The following TAF15 variants were observed in gnomAD, a reference collection of about 807,000 sequenced individuals.
The protein encoded by TAF15 is TATA-binding protein-associated factor 2N.
In TAF15, 37 loss-of-function variants were observed where a neutral mutation model predicts 102.5. The observed-to-expected ratio is 0.36, with a 90% CI of 0.28 to 0.47. The LOEUF is 0.47. Among genes scored for constraint, TAF15 ranks in the 20% least tolerant of loss-of-function variants. TAF15 has a pLI of 0.99. For synonymous variants in TAF15, 273 were observed against 259.2 expected (o/e 1.05, Z -0.51); for missense variants, 652 against 760.7 (o/e 0.86, Z 1.68).
intron 2 of TAF15, among the ~76,000 whole-genome samples, chr17:35,819,616 A>G (rs1482388236): frequency 6.6e-6 from 1 of 152,178 alleles, no homozygotes; most frequent in Non-Finnish European, 1.5e-5. Context: ...TTAATCTGTC[A>G]AGATGTGATT....
At chr17:35,821,414 T>C (rs951316336) in intron 5 of TAF15, among the ~76,000 whole-genome samples, 4 of 152,204 alleles carry the variant, frequency 2.6e-5, no homozygotes, top group African/African-American at 9.6e-5. Flanking sequence ...CCTATAAATA[T>C]AGTCTGAAAA....
chr17:35,820,780 A>G (rs1392303405), intron 5 of TAF15, among the ~76,000 whole-genome samples: 1 of 152,132 alleles, frequency 6.6e-6, no homozygotes, highest in Non-Finnish European at 1.5e-5. Context: ...TTATTTTTGA[A>G]CCATTTGAAT....
rs998906838 is a variant in TAF15 at position 35,822,232 on chromosome 17, T to C, written c.291-408T>C. Among the ~76,000 whole-genome samples the C allele has an allele frequency of 7.3e-5, 11 of 151,596 alleles. No individual in the cohort carries two copies. In the East Asian group the frequency reaches 2.1e-3, roughly 29 times the overall value. ...GGCACATGCCTGTAATCTGAGCTACTCGGGAGGCTGAGGCAGGAGAATTGC... is the reference window on the plus strand; with the variant it reads ...GGCACATGCCTGTAATCTGAGCTACCCGGGAGGCTGAGGCAGGAGAATTGC... On this transcript the variant is annotated intron_variant, in intron 5 of 15. Coordinates refer to ENST00000605844, the MANE Select transcript of TAF15 (RefSeq NM_139215.3).
intron 7 of TAF15, among the ~76,000 whole-genome samples, chr17:35,829,415 G>A (rs962131053): frequency 1.3e-5 from 2 of 150,584 alleles, no homozygotes; most frequent in African/African-American, 2.4e-5. Flanking sequence ...GGTGGATCAC[G>A]AGGTCGGGAG....
At position 35,809,538 on chromosome 17, in the gene TAF15, G is replaced by C; in HGVS notation, c.-32G>C. On this transcript the variant is annotated 5_prime_UTR_variant, in exon 1 of 16. Transcript: ENST00000605844. ...CTTTCGTATTCGTTGTTCTCGGCGG[G>C]CTGTGGGGCCTCCGCGCCGCGGCCG... 3.1e-6 allele frequency: 5 copies of C among 1,612,826 alleles called. No homozygotes were observed. Among genetic ancestry groups the C allele is most frequent in the Non-Finnish European group, 4.2e-6 (5 of 1,179,734 alleles).
At chr17:35,822,000 C>G (rs771282473) in intron 5 of TAF15, among the ~76,000 whole-genome samples, 1 of 151,766 alleles carries the variant, frequency 6.6e-6, no homozygotes, top group Non-Finnish European at 1.5e-5. Context: ...ATTAAAGAGT[C>G]AGACATATTA....
At chr17:35,822,614 C>T (rs1467023143) in intron 5 of TAF15, 26 bp from the exon 6 acceptor site, 1 of 1,605,984 alleles carries the variant, frequency 6.2e-7, no homozygotes, top group Non-Finnish European at 8.5e-7. Context: ...CCTATGAAGT[C>T]TCTTAAGTTC....
At position 35,823,420 on chromosome 17, in the gene TAF15, C is replaced by T. The variant is rs182681483; in HGVS notation, c.484+587C>T. ...AGTGGTAACTTTTAAGATTGGGGGG[C>T]CGGGCGCAGTGGCTCACGCCTGTAA... On this transcript the variant is annotated intron_variant, in intron 6 of 15. Coordinates refer to ENST00000605844, the MANE Select transcript of TAF15 (RefSeq NM_139215.3). 3.5e-3 allele frequency among the ~76,000 whole-genome samples: 533 copies of T among 152,130 alleles called. 4 individuals carry two copies. The highest frequency in any genetic ancestry group is 6.1e-3 in the Non-Finnish European group (418 of 67,988).
intron 1 of TAF15, chr17:35,811,716 A>G (rs990050205): frequency 2.6e-5 from 4 of 152,256 alleles, no homozygotes; most frequent in African/African-American, 9.6e-5. Flanking sequence ...TCAATAAATC[A>G]AAATTGTAGA....
At chr17:35,821,791 G>A (rs1200482186) in intron 5 of TAF15, among the ~76,000 whole-genome samples, 1 of 152,026 alleles carries the variant, frequency 6.6e-6, no homozygotes, top group Non-Finnish European at 1.5e-5. Context: ...AAAAAAAATT[G>A]TGTTACAAAG....
At chr17:35,846,511 C>CAT (rs1272632921) in intron 15 of TAF15, among the ~76,000 whole-genome samples, 2 of 152,130 alleles carry the variant, frequency 1.3e-5, no homozygotes, top group African/African-American at 4.8e-5. Context: ...TTTACAGAGT[C>CAT]AGTCATTTAG....
At chr17:35,829,631 C>CAAAAAAAAAAAAAAA (rs746776421) in intron 7 of TAF15, among the ~76,000 whole-genome samples, 1 of 33,110 alleles carries the variant, frequency 3.0e-5, no homozygotes, top group African/African-American at 1.2e-4. Context: ...GACTCCATCT[C>CAAAAAAAAAAAAAAA]AAAAAAAAAA....
At chr17:35,826,154 A>G (rs1252109551) in intron 7 of TAF15, among the ~76,000 whole-genome samples, 2 of 152,226 alleles carry the variant, frequency 1.3e-5, no homozygotes, top group African/African-American at 4.8e-5. Flanking sequence ...CTTATAAACT[A>G]AATTTTTTAT....
chr17:35,822,081 C>G (rs928571682), intron 5 of TAF15, among the ~76,000 whole-genome samples: 5 of 151,490 alleles, frequency 3.3e-5, no homozygotes, highest in Non-Finnish European at 7.4e-5. Flanking sequence ...GTGGCTCACA[C>G]CTGTAATCCC....
chr17:35,843,579 G>A (rs188569759), intron 12 of TAF15, among the ~76,000 whole-genome samples: 2 of 152,056 alleles, frequency 1.3e-5, no homozygotes, highest in African/African-American at 4.8e-5. Context: ...ACTAAGTAGG[G>A]TATAGGTTAG....
chr17:35,815,035 A>G (rs1171320285), intron 1 of TAF15, among the ~76,000 whole-genome samples: 2 of 152,226 alleles, frequency 1.3e-5, no homozygotes, highest in Admixed American at 1.3e-4. Context: ...TGATACAACT[A>G]ATGAGCATAA....
At chr17:35,812,948 C>T (rs887079669) in intron 1 of TAF15, among the ~76,000 whole-genome samples, 7 of 151,374 alleles carry the variant, frequency 4.6e-5, no homozygotes, top group Middle Eastern at 3.2e-3. Flanking sequence ...GCCACCATGG[C>T]GAAACCCCAT....
At chr17:35,837,138 A>G (rs1314007876) in intron 10 of TAF15, among the ~76,000 whole-genome samples, 4 of 151,778 alleles carry the variant, frequency 2.6e-5, no homozygotes, top group Non-Finnish European at 2.9e-5. Context: ...CACACAAAAT[A>G]TGTAATTTTG....
At chr17:35,813,683 A>C (rs1471811125) in intron 1 of TAF15, among the ~76,000 whole-genome samples, 1 of 142,216 alleles carries the variant, frequency 7.0e-6, no homozygotes, top group Non-Finnish European at 1.5e-5. Flanking sequence ...TAGATTAAAA[A>C]CTCCTGTCAT....
Sources: allele counts gnomAD v4.1 joint callset (sites outside exome capture counted in the v4.1 genomes callset), GRCh38; gene constraint gnomAD v4.1.1; transcripts MANE v1.5; gene names NCBI Gene and HGNC (gene_info 2026-07-23, HGNC 2026-07-21).